HOMER1: variants seen among roughly 807,000 people sequenced by gnomAD.
HOMER1 encodes homer scaffold protein 1, also known as homer protein homolog 1.
HOMER1 carries 3 observed loss-of-function variants against 48.9 expected under a neutral mutation model. The observed-to-expected ratio is 0.06, with a 90% CI of 0.03 to 0.16. The LOEUF (loss-of-function observed/expected upper bound fraction) is 0.16. Among genes scored for constraint, HOMER1 ranks in the 10% least tolerant of loss-of-function variants. The pLI is 1.00. For missense variants in HOMER1, 247 were observed against 411.4 expected, an observed-to-expected ratio of 0.60 and a Z score of 3.46; for synonymous variants, 134 against 146.4, an observed-to-expected ratio of 0.92 and a Z score of 0.61.
intron 4 of HOMER1, among the ~76,000 whole-genome samples, chr5:79,440,852 C>T (rs1750717885): frequency 6.6e-6 from 1 of 152,138 alleles, no homozygotes; most frequent in Non-Finnish European, 1.5e-5. Context: ...AGATTCAATT[C>T]AGTAGAAATG....
chr5:79,472,905 C>T (rs1001914381), intron 1 of HOMER1, among the ~76,000 whole-genome samples: 1 of 152,182 alleles, frequency 6.6e-6, no homozygotes, highest in Non-Finnish European at 1.5e-5. Flanking sequence ...CCACAAACTT[C>T]CAACTGATCC....
intron 5 of HOMER1, among the ~76,000 whole-genome samples, chr5:79,411,278 A>G (rs1478029319): frequency 6.6e-6 from 1 of 152,144 alleles, no homozygotes; most frequent in Non-Finnish European, 1.5e-5. Context: ...TGAGCTCAGG[A>G]GTTCGAGGCC....
At chr5:79,505,965 G>A (rs973470273) in intron 1 of HOMER1, among the ~76,000 whole-genome samples, 3 of 151,960 alleles carry the variant, frequency 2.0e-5, no homozygotes, top group South Asian at 2.1e-4. Flanking sequence ...ATTTTTGGGC[G>A]GACAAAACCT....
chr5:79,453,502 A>G (rs770239936), intron 2 of HOMER1, among the ~76,000 whole-genome samples: 9 of 152,206 alleles, frequency 5.9e-5, no homozygotes, highest in Non-Finnish European at 1.0e-4. Context: ...CCTTAAAATG[A>G]TAGATGATCC....
At chr5:79,435,253 C>G (rs760758480) in intron 5 of HOMER1, among the ~76,000 whole-genome samples, 2 of 152,202 alleles carry the variant, frequency 1.3e-5, no homozygotes, top group Non-Finnish European at 2.9e-5. Flanking sequence ...GTAGGACCTT[C>G]TTTTGACATG....
intron 1 of HOMER1, among the ~76,000 whole-genome samples, chr5:79,462,225 C>A (rs1223114174): frequency 3.3e-5 from 5 of 152,020 alleles, no homozygotes; most frequent in African/African-American, 9.7e-5. Context: ...AACAAAAAAA[C>A]CAGAAAACAC....
In HOMER1 at chr5:79,375,017, T is replaced by C. The variant is rs1008333243; in HGVS notation, c.*992A>G. 6.6e-6 allele frequency: 1 copy of C among 152,076 alleles called. No individual in the cohort carries two copies. The highest frequency in any genetic ancestry group is 1.5e-5 in the Non-Finnish European group (1 of 67,940). 9.4% of individuals were successfully genotyped at this position (152,076 alleles called of 1,614,324 possible). Reference sequence around the variant, plus strand: ...AAATGGACCCCCTTTAAAATAGCTATACACCTTAAAATTATCTATAATAAA... The same window carrying C: ...AAATGGACCCCCTTTAAAATAGCTACACACCTTAAAATTATCTATAATAAA... On this transcript the variant is annotated 3_prime_UTR_variant, in exon 9 of 9. Coordinates refer to ENST00000334082, the MANE Select transcript of HOMER1 (RefSeq NM_004272.5).
intron 8 of HOMER1, among the ~76,000 whole-genome samples, chr5:79,388,815 A>G (rs952800131): frequency 2.6e-5 from 4 of 152,086 alleles, no homozygotes; most frequent in Non-Finnish European, 5.9e-5. Flanking sequence ...GAGATAAAGT[A>G]AAGAAAACAG....
chr5:79,394,149 G>T (rs10050782), intron 8 of HOMER1, among the ~76,000 whole-genome samples: 72,626 of 151,906 alleles, frequency 0.48, 20,685 homozygotes, highest in African/African-American at 0.79. Flanking sequence ...AAAAACTGTA[G>T]CACGGTATCC....
At chr5:79,392,317 T>G (rs866498205) in intron 8 of HOMER1, among the ~76,000 whole-genome samples, 1 of 152,182 alleles carries the variant, frequency 6.6e-6, no homozygotes, top group Non-Finnish European at 1.5e-5. Flanking sequence ...GTTATTGCCC[T>G]TGAAGACCTT....
intron 1 of HOMER1, chr5:79,510,497 A>C: frequency 1.4e-6 from 1 of 711,180 alleles, no homozygotes; most frequent in East Asian, 2.8e-5. Flanking sequence ...AAATGGTATC[A>C]AGAAACCCGA....
chr5:79,415,537 G>A (rs558960164), intron 5 of HOMER1, among the ~76,000 whole-genome samples: 126 of 152,168 alleles, frequency 8.3e-4, no homozygotes, highest in Non-Finnish European at 1.4e-3. Context: ...TACAAAAGAG[G>A]CTGATATTAA....
intron 1 of HOMER1, among the ~76,000 whole-genome samples, chr5:79,503,265 G>A (rs1267935967): frequency 6.6e-6 from 1 of 152,100 alleles, no homozygotes; most frequent in East Asian, 1.9e-4. Flanking sequence ...AGGCATGGCG[G>A]CTCACGCCTG....
chr5:79,423,812 C>A (rs1206559459), intron 5 of HOMER1, among the ~76,000 whole-genome samples: 2 of 152,024 alleles, frequency 1.3e-5, no homozygotes, highest in East Asian at 3.8e-4. Context: ...AACTGTAGCT[C>A]AAAGAGATAA....
At chr5:79,465,797 G>C (rs1751448807) in intron 1 of HOMER1, among the ~76,000 whole-genome samples, 1 of 151,834 alleles carries the variant, frequency 6.6e-6, no homozygotes, top group African/African-American at 2.4e-5. Flanking sequence ...GTTTCACCGT[G>C]TTAGCCAGGA....
At chr5:79,392,052 A>G (rs968728679) in intron 8 of HOMER1, among the ~76,000 whole-genome samples, 1 of 152,162 alleles carries the variant, frequency 6.6e-6, no homozygotes, top group African/African-American at 2.4e-5. Flanking sequence ...AAATAAATCT[A>G]CCGTGCTGTC....
intron 5 of HOMER1, among the ~76,000 whole-genome samples, chr5:79,406,716 G>C (rs899341080): frequency 2.0e-5 from 3 of 152,206 alleles, no homozygotes; most frequent in Non-Finnish European, 4.4e-5. Context: ...TGGGGGCAAA[G>C]AGAATAAAAC....
chr5:79,508,887 A>G (rs1320249694), intron 1 of HOMER1, among the ~76,000 whole-genome samples: 1 of 152,234 alleles, frequency 6.6e-6, no homozygotes, highest in Non-Finnish European at 1.5e-5. Context: ...TGGCCTTCCT[A>G]TCAGCAGCAC....
intron 1 of HOMER1, among the ~76,000 whole-genome samples, chr5:79,477,877 T>A (rs1173858538): frequency 6.6e-6 from 1 of 152,044 alleles, no homozygotes; most frequent in Non-Finnish European, 1.5e-5. Context: ...TCAATCATTA[T>A]CCTGGTTTTA....
Sources: gnomAD v4.1 joint callset for allele counts (sites outside exome capture counted in the v4.1 genomes callset) on GRCh38, gnomAD v4.1.1 for gene constraint, MANE v1.5 for transcripts, NCBI Gene and HGNC (gene_info 2026-07-23, HGNC 2026-07-21) for gene names.